Variants in ROBO2 observed in about 807,000 individuals in gnomAD.
ROBO2 encodes roundabout guidance receptor 2.
ROBO2 carries 53 observed loss-of-function variants against 160.8 expected under a neutral mutation model. That is an observed-to-expected ratio of 0.33 (90% CI 0.26 to 0.41). The LOEUF is 0.41. ROBO2 is among the 10% of genes least tolerant of loss of function. ROBO2 has a pLI of 1.00. For synonymous variants in ROBO2, 664 were observed against 611.7 expected (o/e 1.09, Z -1.26); for missense variants, 1,577 against 1,722.4 (o/e 0.92, Z 1.49).
chr3:76,691,222 ATC>A (rs1560384758), intron 2 of ROBO2, among the ~76,000 whole-genome samples: 2 of 152,068 alleles, frequency 1.3e-5, no homozygotes, highest in African/African-American at 4.8e-5. Context: ...CAATTTTTCT[ATC>A]TCTGTTTTGT....
At chr3:76,420,703 C>G (rs556525823) in intron 2 of ROBO2, among the ~76,000 whole-genome samples, 1 of 152,094 alleles carries the variant, frequency 6.6e-6, no homozygotes, top group South Asian at 2.1e-4. Flanking sequence ...ATAGTTCAAG[C>G]AATTGTATTT....
chr3:77,021,588 G>A (rs535957073), intron 2 of ROBO2, among the ~76,000 whole-genome samples: 2 of 151,696 alleles, frequency 1.3e-5, no homozygotes, highest in Admixed American at 1.3e-4. Flanking sequence ...ACACAGGAAG[G>A]CCAAAGTAAA....
chr3:75,934,477 T>C (rs1947685155), intron 1 of ROBO2, among the ~76,000 whole-genome samples: 1 of 152,234 alleles, frequency 6.6e-6, no homozygotes, highest in Non-Finnish European at 1.5e-5. Context: ...ACAAATTACT[T>C]GTTTTATCTT....
chr3:76,687,031 G>C (rs2107109182), intron 2 of ROBO2, among the ~76,000 whole-genome samples: 1 of 151,990 alleles, frequency 6.6e-6, no homozygotes, highest in African/African-American at 2.4e-5. Context: ...TGTATCCTTT[G>C]ACTTCTAAAA....
intron 2 of ROBO2, among the ~76,000 whole-genome samples, chr3:76,663,741 G>A (rs186046496): frequency 2.4e-4 from 37 of 152,198 alleles, no homozygotes; most frequent in African/African-American, 8.7e-4. Context: ...ATTGTGTAAA[G>A]CAAAGACATT....
chr3:76,078,702 C>T (rs2068722031), intron 2 of ROBO2, among the ~76,000 whole-genome samples: 1 of 150,888 alleles, frequency 6.6e-6, no homozygotes, highest in African/African-American at 2.4e-5. Flanking sequence ...TCAAATTGTT[C>T]AATATCTTAA....
At chr3:77,391,453 A>T (rs182555452) in intron 2 of ROBO2, among the ~76,000 whole-genome samples, 1 of 151,830 alleles carries the variant, frequency 6.6e-6, no homozygotes, top group Non-Finnish European at 1.5e-5. Context: ...CTACAGGTGC[A>T]CACCTGTAGT....
At chr3:77,560,499 C>T (rs2093286750) in intron 9 of ROBO2, among the ~76,000 whole-genome samples, 1 of 152,052 alleles carries the variant, frequency 6.6e-6, no homozygotes. Context: ...ACATGACTGT[C>T]CTTACAGGGA....
At chr3:76,625,961 A>G (rs567264635) in intron 2 of ROBO2, among the ~76,000 whole-genome samples, 2 of 152,318 alleles carry the variant, frequency 1.3e-5, no homozygotes, top group Non-Finnish European at 2.9e-5. Context: ...ATCCAGTGAC[A>G]TGATCCAGGT....
chr3:76,938,971 CAAAAAAAAAA>C (rs71629626), intron 2 of ROBO2, among the ~76,000 whole-genome samples: 1 of 114,584 alleles, frequency 8.7e-6, no homozygotes, highest in African/African-American at 3.1e-5. Flanking sequence ...AACTCAGTCT[CAAAAAAAAAA>C]AAAAAAAAAA....
chr3:77,255,235 C>A (rs563049075), intron 2 of ROBO2, among the ~76,000 whole-genome samples: 3 of 152,064 alleles, frequency 2.0e-5, no homozygotes, highest in East Asian at 1.9e-4. Flanking sequence ...GTTGAGCAAG[C>A]CTTTCTTAAA....
intron 1 of ROBO2, among the ~76,000 whole-genome samples, chr3:75,924,676 C>CTTTTATTTTTTTTTTT (rs1198389699): frequency 1.6e-5 from 1 of 62,404 alleles, no homozygotes; most frequent in Non-Finnish European, 3.3e-5. Context: ...AATTTATTTT[C>CTTTTATTTTTTTTTTT]TTTTCTTTTT....
chr3:77,410,939 G>A (rs1356721683), intron 2 of ROBO2, among the ~76,000 whole-genome samples: 2 of 151,892 alleles, frequency 1.3e-5, no homozygotes, highest in Non-Finnish European at 2.9e-5. Flanking sequence ...GAGTAGCTGG[G>A]ACCATAGGTA....
At chr3:77,253,872 A>T (rs2090640848) in intron 2 of ROBO2, among the ~76,000 whole-genome samples, 1 of 152,066 alleles carries the variant, frequency 6.6e-6, no homozygotes, top group Admixed American at 6.6e-5. Context: ...TTATTTACGA[A>T]CCTCTAATCT....
chr3:77,244,863 G>A (rs1338646340), intron 2 of ROBO2, among the ~76,000 whole-genome samples: 2 of 134,356 alleles, frequency 1.5e-5, no homozygotes, highest in African/African-American at 5.6e-5. Flanking sequence ...GGGTGACAGA[G>A]TGAAACTTAG....
intron 2 of ROBO2, among the ~76,000 whole-genome samples, chr3:76,512,737 A>C (rs1465207714): frequency 6.6e-6 from 1 of 152,206 alleles, no homozygotes; most frequent in Non-Finnish European, 1.5e-5. Flanking sequence ...CTATGTGTAT[A>C]AATGGATATG....
chr3:77,322,848 TTATAC>T (rs2064887098), intron 2 of ROBO2, among the ~76,000 whole-genome samples: 1 of 111,012 alleles, frequency 9.0e-6, no homozygotes, highest in Non-Finnish European at 1.7e-5. Context: ...ATATATTATA[TTATAC>T]ATATGTATTA....
Position 76,295,442 on chromosome 3 carries a change from T to C in ROBO2, c.109+357840T>C, listed in dbSNP as rs991494903. On this transcript the variant is annotated intron_variant, in intron 2 of 26. Coordinates refer to the ROBO2 transcript ENST00000487694. ...GATGTTTGCAATTCTCGGAAGCAGG[T>C]ATGCAAACAAAGAATTGCAGTATGT... 2.6e-5 allele frequency among the ~76,000 whole-genome samples: 4 copies of C among 151,980 alleles called. No homozygotes were observed. In the South Asian group the frequency reaches 6.2e-4, roughly 24 times the overall value.
intron 2 of ROBO2, among the ~76,000 whole-genome samples, chr3:76,147,890 G>A (rs1240043795): frequency 1.3e-5 from 2 of 152,004 alleles, no homozygotes; most frequent in African/African-American, 4.8e-5. Flanking sequence ...TCACTGGTAT[G>A]TGTGACCTGA....
Sources: gnomAD v4.1 joint callset for allele counts (sites outside exome capture counted in the v4.1 genomes callset) on GRCh38, gnomAD v4.1.1 for gene constraint, MANE v1.5 for transcripts, NCBI Gene and HGNC (gene_info 2026-07-23, HGNC 2026-07-21) for gene names.